PRPF4: variants seen among roughly 807,000 people sequenced by gnomAD.
PRPF4 encodes the protein U4/U6 small nuclear ribonucleoprotein Prp4.
In PRPF4, 14 loss-of-function variants were observed where a neutral mutation model predicts 72.2. The ratio of observed to expected loss-of-function variants is 0.19; its 90% CI spans 0.13 to 0.30. PRPF4 has a LOEUF of 0.30. PRPF4 is among the 10% of genes least tolerant of loss of function. The pLI, the probability that PRPF4 is intolerant of heterozygous loss-of-function variation, is 1.00. For missense variants in PRPF4, 478 were observed against 653.9 expected (o/e 0.73, Z 2.93); for synonymous variants, 225 against 232.2 (o/e 0.97, Z 0.28).
chr9:113,275,795 A>C, intron 1 of PRPF4, 25 bp downstream of exon 1: 1 of 1,608,914 alleles, frequency 6.2e-7, no homozygotes, highest in African/African-American at 1.3e-5. Flanking sequence ...ATCCCAGCTC[A>C]CTCTGGCAGG....
chr9:113,291,430 G>A, intron 13 of PRPF4, 37 bp from the exon 14 acceptor site: 1 of 1,556,728 alleles, frequency 6.4e-7, no homozygotes, highest in Non-Finnish European at 8.8e-7. Context: ...TTGAATACTT[G>A]AATTCCTCAA....
intron 6 of PRPF4, 144 bp from the exon 7 acceptor site, chr9:113,284,151 C>G: frequency 1.8e-6 from 1 of 557,688 alleles, no homozygotes; most frequent in South Asian, 2.2e-5. Flanking sequence ...TGTCTTCTAA[C>G]AGCAGCAACA....
chr9:113,284,028 A>G (rs1191205220), intron 6 of PRPF4, among the ~76,000 whole-genome samples: 1 of 150,260 alleles, frequency 6.7e-6, no homozygotes, highest in Non-Finnish European at 1.5e-5. Context: ...AGATCACGCC[A>G]CTACACTCCA....
At chr9:113,283,594 T>G in intron 6 of PRPF4, 112 bp downstream of exon 6, 1 of 1,036,442 alleles carries the variant, frequency 9.6e-7, no homozygotes, top group South Asian at 1.6e-5. Flanking sequence ...GATTCCTCCC[T>G]GCTTAAGTTG....
intron 1 of PRPF4, among the ~76,000 whole-genome samples, chr9:113,276,040 G>C (rs1033818330): frequency 7.2e-5 from 11 of 152,214 alleles, no homozygotes; most frequent in Admixed American, 2.6e-4. Context: ...CTGAAATAGG[G>C]AAGTGTCTTG....
At chr9:113,284,245 T>C in intron 6 of PRPF4, 50 bp from the exon 7 acceptor site, 1 of 1,373,720 alleles carries the variant, frequency 7.3e-7, no homozygotes. Context: ...AAGGAGCTCT[T>C]AGATTAACCT....
intron 1 of PRPF4, among the ~76,000 whole-genome samples, chr9:113,276,065 C>CTAATT (rs1361124121): frequency 1.3e-5 from 2 of 152,232 alleles, no homozygotes; most frequent in Non-Finnish European, 2.9e-5. Flanking sequence ...AGGTTTATGC[C>CTAATT]TTTGGCAGAT....
intron 1 of PRPF4, 31 bp from the exon 2 acceptor site, chr9:113,276,517 C>T (rs1429581295): frequency 1.2e-6 from 2 of 1,610,390 alleles, no homozygotes; most frequent in African/African-American, 2.7e-5. Context: ...AAGATTAAAC[C>T]TTAGTTTAAT....
chr9:113,284,835 C>T (rs969882306), intron 7 of PRPF4, among the ~76,000 whole-genome samples: 7 of 152,204 alleles, frequency 4.6e-5, no homozygotes, highest in African/African-American at 1.4e-4. Context: ...GTAGTAAGGA[C>T]TCGTTAAACG....
At position 113,290,905 on chromosome 9, in the gene PRPF4, A is replaced by G. The variant is rs147084476; in HGVS notation, c.1261A>G (p.Ile421Val). The change falls in exon 13 of 14, where the codon ATT (isoleucine) becomes GTT (valine). Residue 421 changes from isoleucine (I) to valine (V), a missense_variant. Physicochemically the swap from Ile to Val is conservative, Grantham distance 29. Coordinates refer to ENST00000374198, the MANE Select transcript of PRPF4 (RefSeq NM_001244926.2). ...ACTGCATCCAATCCACAGCTATCAC[A>G]TTGCAACCGGCAGTGGTGACAACAC... ...GINFSPNGYHIATGSGDNTCK... is the reference protein window; with the variant it reads ...GINFSPNGYHVATGSGDNTCK... The G allele has an allele frequency of 7.4e-6, 12 of 1,614,020 alleles. No homozygotes were observed. In the African/African-American group the frequency reaches 1.6e-4, roughly 22 times the overall value.
At chr9:113,282,849 G>A (rs1046055109) in intron 4 of PRPF4, 116 bp downstream of exon 4, 1 of 1,049,140 alleles carries the variant, frequency 9.5e-7, no homozygotes, top group African/African-American at 1.6e-5. Context: ...TGTTTTTGAA[G>A]GCTCTACCAT....
In PRPF4 at chr9:113,283,143, C is replaced by G. The variant is rs778681718; in HGVS notation, c.492C>G (p.Thr164=). The part of the protein sequence containing the change: ...SKKSKEEYQQ[T]WYHEGPNSLK... The stretch of plus-strand genomic sequence containing the variant: ...AATTTGCCTTTCAGTATCAGCAAAC[C>G]TGGTATCATGAAGGACCAAATAGCT... Residue 164 remains threonine (T), a synonymous_variant, in exon 5 of 14, where the codon ACC becomes ACG. Coordinates refer to ENST00000374198, the MANE Select transcript of PRPF4 (RefSeq NM_001244926.2). 6.2e-7 allele frequency: 1 copy of G among 1,614,156 alleles called. No individual in the cohort carries two copies. Among genetic ancestry groups the G allele is most frequent in the East Asian group, 2.2e-5 (1 of 44,876 alleles).
chr9:113,280,931 C>CCCAGGTA, intron 3 of PRPF4, among the ~76,000 whole-genome samples: 1 of 152,226 alleles, frequency 6.6e-6, no homozygotes, highest in Admixed American at 6.5e-5. Context: ...ACCTCCACCT[C>CCCAGGTA]CCAGGTACAA....
intron 3 of PRPF4, among the ~76,000 whole-genome samples, 170 bp from the exon 4 acceptor site, chr9:113,282,476 A>AT (rs1832310534): frequency 2.2e-5 from 2 of 92,874 alleles, no homozygotes; most frequent in Admixed American, 2.1e-4. Context: ...TCTCTTAAAA[A>AT]GAAAAAAAAA....
chr9:113,279,211 G>T, intron 3 of PRPF4, 80 bp downstream of exon 3: 2 of 1,229,674 alleles, frequency 1.6e-6, no homozygotes, highest in Non-Finnish European at 1.1e-6. Context: ...TCATTTAGTT[G>T]AACTTTAATA....
rs565360719 is a variant in PRPF4, at chr9:113,286,866, TA to T, written c.932+41del. On this transcript the variant is annotated intron_variant, in intron 9 of 13. Transcript: ENST00000374198. ...GTTCTGTGGCCCATACTGCCATCACTAAAGTAGATGTTTGATTGGTTGGTCC... is the reference window on the plus strand; with the variant it reads ...GTTCTGTGGCCCATACTGCCATCACTAAGTAGATGTTTGATTGGTTGGTCC... 4,660 of 1,613,482 alleles carry T rather than the reference TA, an allele frequency of 2.9e-3. 10 individuals carry two copies. The highest frequency in any genetic ancestry group is 3.6e-3 in the Non-Finnish European group (4,304 of 1,179,562).
At chr9:113,290,835 G>A (rs41312198) in intron 12 of PRPF4, 28 bp downstream of exon 12, 16,326 of 1,612,258 alleles carry the variant, frequency 0.01, 111 homozygotes, top group Non-Finnish European at 0.012. Flanking sequence ...AATGAGGGGC[G>A]AAAAAGGGTT....
intron 13 of PRPF4, among the ~76,000 whole-genome samples, 183 bp downstream of exon 13, chr9:113,291,199 C>T (rs1010272812): frequency 1.3e-5 from 2 of 152,164 alleles, no homozygotes; most frequent in African/African-American, 4.8e-5. Flanking sequence ...GGAAAGCACG[C>T]TTCTCGTTGC....
intron 1 of PRPF4, among the ~76,000 whole-genome samples, chr9:113,276,095 C>T (rs969102037): frequency 6.6e-6 from 1 of 152,186 alleles, no homozygotes; most frequent in Non-Finnish European, 1.5e-5. Flanking sequence ...TTAATGAGAC[C>T]TACTAACTCC....
Sources: allele counts gnomAD v4.1 joint callset (sites outside exome capture counted in the v4.1 genomes callset), GRCh38; gene constraint gnomAD v4.1.1; transcripts MANE v1.5; gene names NCBI Gene and HGNC (gene_info 2026-07-23, HGNC 2026-07-21).